The following TMTC2 variants were observed in gnomAD, a reference collection of about 807,000 sequenced individuals.
TMTC2 encodes protein O-mannosyl-transferase TMTC2.
TMTC2 carries 43 observed loss-of-function variants against 82.4 expected under a neutral mutation model. That is an observed-to-expected ratio of 0.52 (90% CI 0.41 to 0.67). The LOEUF is 0.67. Among genes scored for constraint, TMTC2 ranks in the 30% least tolerant of loss-of-function variants. The pLI is 0.00. For missense variants in TMTC2, 919 were observed against 1,012.4 expected, an observed-to-expected ratio of 0.91 and a Z score of 1.25; for synonymous variants, 408 against 381.9, an observed-to-expected ratio of 1.07 and a Z score of -0.80.
chr12:82,881,025 T>C (rs1309331353), intron 2 of TMTC2, among the ~76,000 whole-genome samples: 4 of 152,142 alleles, frequency 2.6e-5, no homozygotes, highest in African/African-American at 9.7e-5. Context: ...TTATTGATAA[T>C]GCTAAAACTC....
intron 1 of TMTC2, among the ~76,000 whole-genome samples, chr12:82,850,104 G>A (rs1870893180): frequency 1.3e-5 from 2 of 152,120 alleles, no homozygotes; most frequent in East Asian, 1.9e-4. Context: ...ACTGAGAATA[G>A]ATGTGGGCTA....
chr12:82,980,004 T>A (rs1878848920), intron 7 of TMTC2, among the ~76,000 whole-genome samples: 1 of 151,862 alleles, frequency 6.6e-6, no homozygotes, highest in South Asian at 2.1e-4. Flanking sequence ...CTCTTGCTGC[T>A]TTATCTTTGA....
intron 11 of TMTC2, among the ~76,000 whole-genome samples, chr12:83,080,291 C>G (rs929182431): frequency 1.3e-5 from 2 of 152,136 alleles, no homozygotes; most frequent in African/African-American, 2.4e-5. Flanking sequence ...CAAATGTTCA[C>G]TTAAATGGGA....
At chr12:82,847,385 A>G (rs1310209057) in intron 1 of TMTC2, among the ~76,000 whole-genome samples, 1 of 152,192 alleles carries the variant, frequency 6.6e-6, no homozygotes. Context: ...AATGCAGTTT[A>G]TCAGTACCAA....
At chr12:83,018,331 T>C (rs1880768991) in intron 8 of TMTC2, among the ~76,000 whole-genome samples, 1 of 152,166 alleles carries the variant, frequency 6.6e-6, no homozygotes, top group East Asian at 1.9e-4. Context: ...AGTACAAGTG[T>C]CAACTCCGTT....
At chr12:83,123,036 T>C (rs977027481) in intron 11 of TMTC2, among the ~76,000 whole-genome samples, 1 of 152,226 alleles carries the variant, frequency 6.6e-6, no homozygotes, top group Non-Finnish European at 1.5e-5. Flanking sequence ...CCTTTGAAAT[T>C]GCTCTGTTAC....
chr12:82,818,627 A>G (rs1006996725), intron 1 of TMTC2, among the ~76,000 whole-genome samples: 1 of 152,152 alleles, frequency 6.6e-6, no homozygotes, highest in Non-Finnish European at 1.5e-5. Context: ...AGACTCTCTG[A>G]ATCTCTCAAA....
chr12:83,081,610 G>A (rs1418200916), intron 11 of TMTC2, among the ~76,000 whole-genome samples: 1 of 152,102 alleles, frequency 6.6e-6, no homozygotes, highest in Non-Finnish European at 1.5e-5. Flanking sequence ...ATATAGTACA[G>A]ATTTTGTGAT....
At chr12:83,128,020 T>C (rs1404550012) in intron 11 of TMTC2, among the ~76,000 whole-genome samples, 1 of 152,202 alleles carries the variant, frequency 6.6e-6, no homozygotes, top group Non-Finnish European at 1.5e-5. Flanking sequence ...CTGGTTCTCC[T>C]TTCTAGCCTG....
At chr12:82,721,525 C>T (rs189372990) in intron 1 of TMTC2, among the ~76,000 whole-genome samples, 222 of 152,162 alleles carry the variant, frequency 1.5e-3, no homozygotes, top group Middle Eastern at 6.8e-3. Context: ...TGAATAGGAA[C>T]TGTGTCTCCC....
At chr12:82,987,460 T>C (rs558400504) in intron 8 of TMTC2, among the ~76,000 whole-genome samples, 1 of 145,878 alleles carries the variant, frequency 6.9e-6, no homozygotes, top group Admixed American at 6.9e-5. Flanking sequence ...AGAAATCATA[T>C]AGGTAGACTA....
chr12:82,976,053 T>C (rs1241917439), intron 7 of TMTC2, among the ~76,000 whole-genome samples: 1 of 152,162 alleles, frequency 6.6e-6, no homozygotes, highest in Non-Finnish European at 1.5e-5. Flanking sequence ...CCCAACATAC[T>C]CGTGAATATG....
intron 8 of TMTC2, among the ~76,000 whole-genome samples, chr12:83,028,743 A>G (rs1488343279): frequency 6.6e-6 from 1 of 152,174 alleles, no homozygotes; most frequent in Non-Finnish European, 1.5e-5. Context: ...CCTAATTCAT[A>G]CATTAGGCTG....
At chr12:82,872,848 T>C (rs1872272272) in intron 2 of TMTC2, among the ~76,000 whole-genome samples, 1 of 152,166 alleles carries the variant, frequency 6.6e-6, no homozygotes, top group Non-Finnish European at 1.5e-5. Flanking sequence ...TGACGTATGA[T>C]TTTGATTTTT....
intron 11 of TMTC2, among the ~76,000 whole-genome samples, chr12:83,087,917 G>T (rs899858705): frequency 1.4e-4 from 22 of 152,312 alleles, no homozygotes; most frequent in African/African-American, 5.1e-4. Context: ...AAGACACACA[G>T]TCTGTCCTTG....
intron 1 of TMTC2, among the ~76,000 whole-genome samples, chr12:82,794,393 A>C (rs1011719975): frequency 6.6e-6 from 1 of 152,140 alleles, no homozygotes; most frequent in Non-Finnish European, 1.5e-5. Flanking sequence ...GGGGAAACAC[A>C]AATTGAGGTA....
intron 11 of TMTC2, among the ~76,000 whole-genome samples, chr12:83,114,293 T>C (rs1276113417): frequency 3.3e-5 from 5 of 149,768 alleles, no homozygotes; most frequent in Non-Finnish European, 7.4e-5. Flanking sequence ...ACACAGGGAG[T>C]CTTTCTCTGC....
intron 7 of TMTC2, among the ~76,000 whole-genome samples, chr12:82,970,013 TA>T (rs1878379422): frequency 6.6e-6 from 1 of 152,214 alleles, no homozygotes; most frequent in Admixed American, 6.5e-5. Flanking sequence ...AAATTGCTCC[TA>T]GCCAGTTGTG....
At chr12:83,130,769 A>G (rs1245261480) in intron 11 of TMTC2, among the ~76,000 whole-genome samples, 5 of 152,200 alleles carry the variant, frequency 3.3e-5, no homozygotes, top group African/African-American at 1.2e-4. Context: ...TGCTATGTAT[A>G]TTTGTTTATT....
Sources: allele counts gnomAD v4.1 joint callset (sites outside exome capture counted in the v4.1 genomes callset), GRCh38; gene constraint gnomAD v4.1.1; transcripts MANE v1.5; gene names NCBI Gene and HGNC (gene_info 2026-07-23, HGNC 2026-07-21).